The following TAFA2 variants were observed in gnomAD, a reference collection of about 807,000 sequenced individuals.
TAFA2 encodes the protein chemokine-like protein TAFA-2.
TAFA2 carries 7 observed loss-of-function variants against 18.8 expected under a neutral mutation model. The observed-to-expected ratio is 0.37, with a 90% CI of 0.21 to 0.70. The LOEUF (loss-of-function observed/expected upper bound fraction) is 0.70. Among genes scored for constraint, TAFA2 ranks in the 30% least tolerant of loss-of-function variants. The pLI is 0.53. For synonymous variants in TAFA2, 60 were observed against 54.2 expected (o/e 1.11, Z -0.47); for missense variants, 122 against 158.1 (o/e 0.77, Z 1.23).
At chr12:62,005,029 G>C (rs1300626265) in intron 1 of TAFA2, among the ~76,000 whole-genome samples, 2 of 152,038 alleles carry the variant, frequency 1.3e-5, no homozygotes, top group Non-Finnish European at 2.9e-5. Flanking sequence ...TGGGGTGAGG[G>C]GGGTAAACTA....
chr12:62,063,786 T>C (rs1338064553), intron 1 of TAFA2, among the ~76,000 whole-genome samples: 1 of 151,964 alleles, frequency 6.6e-6, no homozygotes, highest in African/African-American at 2.4e-5. Flanking sequence ...TTGTTCATGA[T>C]ATAGATATTT....
At chr12:61,759,487 A>G (rs1410501292) in intron 2 of TAFA2, among the ~76,000 whole-genome samples, 1 of 152,054 alleles carries the variant, frequency 6.6e-6, no homozygotes, top group Non-Finnish European at 1.5e-5. Context: ...CGGAGGCCAC[A>G]TCAATCTGAA....
At chr12:62,080,981 T>A (rs1275535892) in intron 1 of TAFA2, among the ~76,000 whole-genome samples, 1 of 151,996 alleles carries the variant, frequency 6.6e-6, no homozygotes, top group Non-Finnish European at 1.5e-5. Flanking sequence ...GATCACGAGG[T>A]CAGGAGATCG....
chr12:62,038,138 G>A (rs914508761), intron 1 of TAFA2, among the ~76,000 whole-genome samples: 6 of 152,114 alleles, frequency 3.9e-5, no homozygotes, highest in Non-Finnish European at 7.4e-5. Flanking sequence ...AACAGACAAA[G>A]TAGCAGATGT....
intron 1 of TAFA2, among the ~76,000 whole-genome samples, chr12:62,116,636 C>T (rs921626519): frequency 2.0e-5 from 3 of 146,400 alleles, no homozygotes; most frequent in Admixed American, 6.7e-5. Context: ...TTGCTGCTTT[C>T]TCACGTACAT....
intron 1 of TAFA2, among the ~76,000 whole-genome samples, chr12:61,947,692 A>G (rs11174248): frequency 0.043 from 6,592 of 152,158 alleles, 478 homozygotes; most frequent in African/African-American, 0.15. Context: ...AAGAAGGTCA[A>G]TTCTCTGGCC....
chr12:61,816,550 G>T (rs1365364389), intron 2 of TAFA2, among the ~76,000 whole-genome samples: 1 of 151,302 alleles, frequency 6.6e-6, no homozygotes, highest in East Asian at 1.9e-4. Flanking sequence ...TAATGGAATT[G>T]CTGGGTCAAA....
At chr12:61,860,306 G>A (rs1874074809) in intron 2 of TAFA2, among the ~76,000 whole-genome samples, 1 of 152,032 alleles carries the variant, frequency 6.6e-6, no homozygotes, top group Non-Finnish European at 1.5e-5. Flanking sequence ...ATAAAAATGT[G>A]TCATTAAAAG....
chr12:62,160,897 A>AGAGACTCCAGCCACCC (rs2062402788), intron 1 of TAFA2, among the ~76,000 whole-genome samples: 1 of 152,170 alleles, frequency 6.6e-6, no homozygotes, highest in Non-Finnish European at 1.5e-5. Context: ...GAGCTGTGGG[A>AGAGACTCCAGCCACCC]GAGACTCCAG....
At chr12:61,736,442 G>A (rs1868305698) in intron 4 of TAFA2, among the ~76,000 whole-genome samples, 1 of 151,906 alleles carries the variant, frequency 6.6e-6, no homozygotes, top group Non-Finnish European at 1.5e-5. Context: ...GATGAATTTG[G>A]TATTGATGAG....
rs71450578 is a variant in TAFA2 at position 62,257,162 on chromosome 12, A to ATGTGTGTG, written c.-130+1593_-130+1600dup. Among the ~76,000 whole-genome samples, 19 of 50,944 alleles carry ATGTGTGTG rather than the reference A, an allele frequency of 3.7e-4. 1 individual carries two copies. Among genetic ancestry groups the ATGTGTGTG allele is most frequent in the African/African-American group, 1.1e-3 (18 of 16,500 alleles). 33.4% of individuals were successfully genotyped at this position (50,944 alleles called of 152,430 possible). Reference sequence around the variant, plus strand: ...CATGTGTATATATATATACATATATATGTGTGTGTGTGTGTGTGTGTGTGT... The same window carrying ATGTGTGTG: ...CATGTGTATATATATATACATATATATGTGTGTGTGTGTGTGTGTGTGTGTGTGTGTGT... On this transcript the variant is annotated intron_variant, in intron 1 of 5. Transcript: ENST00000551619.
In TAFA2 at chr12:62,088,286, T is replaced by C. The variant is rs144773828; in HGVS notation, c.-2+102973A>G. On this transcript the variant is annotated intron_variant, in intron 1 of 4. Transcript: ENST00000416284. ...TCTTTCCATCCCAATTCAGTAGCTA[T>C]GTAAATGTACTAAAACTTCAGAAGA... 1.1e-3 allele frequency among the ~76,000 whole-genome samples: 163 copies of C among 151,590 alleles called. 1 individual carries two copies. Among genetic ancestry groups the C allele is most frequent in the African/African-American group, 3.8e-3 (159 of 41,342 alleles).
At chr12:62,161,454 G>A (rs1329807575) in intron 1 of TAFA2, among the ~76,000 whole-genome samples, 1 of 152,152 alleles carries the variant, frequency 6.6e-6, no homozygotes, top group African/African-American at 2.4e-5. Context: ...GCCAGACAAA[G>A]TCAAATATCA....
chr12:61,945,889 A>G (rs1391668909), intron 1 of TAFA2, among the ~76,000 whole-genome samples: 4 of 150,176 alleles, frequency 2.7e-5, no homozygotes, highest in Non-Finnish European at 5.9e-5. Flanking sequence ...GCCCAAGGTA[A>G]TTTACAGATT....
intron 1 of TAFA2, among the ~76,000 whole-genome samples, chr12:61,883,158 T>C (rs578117207): frequency 5.3e-5 from 8 of 152,284 alleles, no homozygotes; most frequent in Admixed American, 5.2e-4. Context: ...TGGGGTTTGA[T>C]GATAACATAG....
chr12:61,878,659 C>G (rs935509033), intron 1 of TAFA2, among the ~76,000 whole-genome samples: 3 of 152,152 alleles, frequency 2.0e-5, no homozygotes, highest in African/African-American at 4.8e-5. Flanking sequence ...AGCTTGGTTG[C>G]TCTGCATGAT....
intron 1 of TAFA2, among the ~76,000 whole-genome samples, chr12:61,973,404 T>G (rs1044704189): frequency 4.0e-5 from 6 of 148,500 alleles, no homozygotes; most frequent in South Asian, 4.7e-4. Flanking sequence ...GATTTTTTTT[T>G]TTTTTTTTTT....
chr12:61,878,690 C>A (rs1248945083), intron 1 of TAFA2, among the ~76,000 whole-genome samples: 6 of 152,094 alleles, frequency 3.9e-5, no homozygotes, highest in Non-Finnish European at 7.4e-5. Context: ...TTCTTATGCC[C>A]AATAACATTT....
chr12:62,055,972 C>A (rs1430149815), intron 1 of TAFA2, among the ~76,000 whole-genome samples: 1 of 152,028 alleles, frequency 6.6e-6, no homozygotes, highest in African/African-American at 2.4e-5. Context: ...AACTAAAATG[C>A]AAAATTCTTA....
Sources: allele counts gnomAD v4.1 joint callset (sites outside exome capture counted in the v4.1 genomes callset), GRCh38; gene constraint gnomAD v4.1.1; transcripts MANE v1.5; gene names NCBI Gene and HGNC (gene_info 2026-07-23, HGNC 2026-07-21).